The following PRDM16 variants were observed in gnomAD, a reference collection of about 807,000 sequenced individuals.
The protein encoded by PRDM16 is histone-lysine N-methyltransferase PRDM16.
In PRDM16, 23 loss-of-function variants were observed where a neutral mutation model predicts 110.6. The observed-to-expected ratio is 0.21, with a 90% CI of 0.15 to 0.29. PRDM16 has a LOEUF of 0.29. Ranked by LOEUF, PRDM16 falls within the 10% of genes least tolerant of loss-of-function variation. The probability of loss-of-function intolerance (pLI) is 1.00; values close to 1 mark genes in which losing one functional copy is unlikely to be tolerated. For missense variants in PRDM16, 1,615 were observed against 1,794.3 expected (o/e 0.90, Z 1.81); for synonymous variants, 799 against 781.8 (o/e 1.02, Z -0.37).
At chr1:3,116,929 C>T (rs775127137) in intron 1 of PRDM16, among the ~76,000 whole-genome samples, 2 of 152,246 alleles carry the variant, frequency 1.3e-5, no homozygotes, top group African/African-American at 4.8e-5. Flanking sequence ...GACCTCCCTC[C>T]CTCCACGGCA....
Position 3,168,800 on chromosome 1 carries a change from C to A in PRDM16, c.38-17325C>A, listed in dbSNP as rs138903741. On this transcript the variant is annotated intron_variant, in intron 1 of 16. Transcript: ENST00000270722. ...CGGCCCATGGAAAGTGCTCTGCCAA[C>A]ATCATTTCCTGGAATGCTCAGAAGG... Among the ~76,000 whole-genome samples, 1,520 of 152,282 alleles carry A rather than the reference C, an allele frequency of 1.0e-2. 29 individuals are homozygous for A. The highest frequency in any genetic ancestry group is 0.034 in the African/African-American group (1,421 of 41,560).
At chr1:3,414,089 G>A (rs1213390947) in intron 9 of PRDM16, among the ~76,000 whole-genome samples, 1 of 152,208 alleles carries the variant, frequency 6.6e-6, no homozygotes, top group Non-Finnish European at 1.5e-5. Flanking sequence ...AGCCTCTGGT[G>A]TGAGCCACGC....
At chr1:3,222,969 A>C (rs1440657370) in intron 2 of PRDM16, among the ~76,000 whole-genome samples, 1 of 152,082 alleles carries the variant, frequency 6.6e-6, no homozygotes, top group Non-Finnish European at 1.5e-5. Context: ...TGGATCGGTC[A>C]AGACATCCCC....
chr1:3,283,957 G>A (rs892894056), intron 3 of PRDM16, among the ~76,000 whole-genome samples: 20 of 152,238 alleles, frequency 1.3e-4, no homozygotes, highest in African/African-American at 4.6e-4. Context: ...GTGTCCAGGA[G>A]ACGCAGGCAC....
Position 3,164,171 on chromosome 1 carries a change from G to A in PRDM16, c.38-21954G>A, listed in dbSNP as rs919939427. On this transcript the variant is annotated intron_variant, in intron 1 of 16. Transcript: ENST00000270722. ...CACACCATGCAAACGTCCGGCCAGCGGCTTAAGTATAAAGCGTGAGAAACA... is the reference window on the plus strand; with the variant it reads ...CACACCATGCAAACGTCCGGCCAGCAGCTTAAGTATAAAGCGTGAGAAACA... Among the ~76,000 whole-genome samples the A allele has an allele frequency of 2.6e-5, 4 of 152,258 alleles. No individual in the cohort carries two copies. In the South Asian group the frequency reaches 6.2e-4, roughly 24 times the overall value.
chr1:3,105,080 G>T (rs1455334651), intron 1 of PRDM16, among the ~76,000 whole-genome samples: 1 of 152,126 alleles, frequency 6.6e-6, no homozygotes, highest in East Asian at 1.9e-4. Flanking sequence ...GGTGCTGGAA[G>T]AAGCTGTCAG....
chr1:3,287,360 GCC>G (rs1557582961), intron 3 of PRDM16, among the ~76,000 whole-genome samples: 1 of 101,790 alleles, frequency 9.8e-6, no homozygotes, highest in Non-Finnish European at 2.0e-5. Context: ...CGGGGCTGGA[GCC>G]GCCCCGCCAC....
At chr1:3,183,123 A>C (rs1553141695) in intron 1 of PRDM16, among the ~76,000 whole-genome samples, 1 of 152,210 alleles carries the variant, frequency 6.6e-6, no homozygotes, top group Non-Finnish European at 1.5e-5. Context: ...GGCCCTGCAC[A>C]CTGACCTGTG....
intron 3 of PRDM16, among the ~76,000 whole-genome samples, chr1:3,252,962 C>G (rs992619731): frequency 2.0e-5 from 3 of 152,138 alleles, no homozygotes; most frequent in Non-Finnish European, 4.4e-5. Flanking sequence ...TTCCCCCTCC[C>G]TGGCTCCGAC....
chr1:3,202,122 G>A (rs1042093790), intron 2 of PRDM16, among the ~76,000 whole-genome samples: 12 of 152,124 alleles, frequency 7.9e-5, no homozygotes, highest in African/African-American at 1.4e-4. Context: ...AGACACCCCC[G>A]AAGGTGTGCA....
chr1:3,180,921 T>TACACACGCAGCC (rs549873207), intron 1 of PRDM16, among the ~76,000 whole-genome samples: 3 of 146,948 alleles, frequency 2.0e-5, no homozygotes, highest in African/African-American at 7.6e-5. Context: ...CACGCAGCCT[T>TACACACGCAGCC]ACACACGCAG....
intron 3 of PRDM16, among the ~76,000 whole-genome samples, chr1:3,297,760 AG>A (rs1284979150): frequency 6.6e-6 from 1 of 152,082 alleles, no homozygotes; most frequent in Non-Finnish European, 1.5e-5. Context: ...GGGGACAGGG[AG>A]GGAGTCAGGG....
chr1:3,071,999 A>T (rs1446320328), intron 1 of PRDM16, among the ~76,000 whole-genome samples: 1 of 152,128 alleles, frequency 6.6e-6, no homozygotes, highest in East Asian at 1.9e-4. Context: ...CTTCCAGCTG[A>T]GCTTTCCAAG....
intron 3 of PRDM16, among the ~76,000 whole-genome samples, chr1:3,289,673 C>T (rs1640929114): frequency 6.6e-6 from 1 of 152,206 alleles, no homozygotes; most frequent in African/African-American, 2.4e-5. Context: ...CGAGGATGGC[C>T]TTCCAGGGGA....
chr1:3,365,729 C>A (rs1166665040), intron 3 of PRDM16, among the ~76,000 whole-genome samples: 2 of 152,240 alleles, frequency 1.3e-5, no homozygotes, highest in East Asian at 3.9e-4. Context: ...CACCTCGCCG[C>A]GGCCTCGTTT....
chr1:3,295,230 G>C (rs951802227), intron 3 of PRDM16, among the ~76,000 whole-genome samples: 1 of 152,204 alleles, frequency 6.6e-6, no homozygotes, highest in Non-Finnish European at 1.5e-5. Flanking sequence ...TCCAGGAAAG[G>C]CATCAGGTGG....
chr1:3,276,262 G>A (rs1419210143), intron 3 of PRDM16, among the ~76,000 whole-genome samples: 1 of 152,196 alleles, frequency 6.6e-6, no homozygotes, highest in Non-Finnish European at 1.5e-5. Context: ...CAGCCCCCCG[G>A]CCCCCGCCAT....
chr1:3,318,239 C>A (rs1047967798), intron 3 of PRDM16, among the ~76,000 whole-genome samples: 1 of 152,216 alleles, frequency 6.6e-6, no homozygotes, highest in Admixed American at 6.5e-5. Flanking sequence ...TTAAGAAGGT[C>A]TTCCGAGCTC....
rs1641683739 is a variant in PRDM16 at position 3,069,351 on chromosome 1, G to C, written c.37+55G>C. ...CCGCCGGGGCCCGGGCCGCCGGGCC[G>C]GGGCGCCCGGGCCAGGGGTGCGCGT... is the stretch of plus-strand genomic sequence containing the variant. On this transcript the variant is annotated intron_variant, in intron 1 of 16. Coordinates refer to ENST00000270722, the MANE Select transcript of PRDM16 (RefSeq NM_022114.4). This position sits in a 1 kb window ranked among gnomAD's most constrained non-coding sequence, Gnocchi z 6.1. 6 of 906,170 alleles carry C rather than the reference G, an allele frequency of 6.6e-6. No individual in the cohort carries two copies. The highest frequency in any genetic ancestry group is 8.0e-6 in the Non-Finnish European group (6 of 750,814). The allele number at this position is 906,170 out of a possible 1,614,324, so 56.1% of individuals were successfully genotyped here.
Sources: gnomAD v4.1 joint callset for allele counts (sites outside exome capture counted in the v4.1 genomes callset) on GRCh38, gnomAD v4.1.1 for gene constraint, Gnocchi (gnomAD v3.1) non-coding constraint, MANE v1.5 for transcripts, NCBI Gene and HGNC (gene_info 2026-07-23, HGNC 2026-07-21) for gene names.